Variants in PIGF observed in about 807,000 individuals in gnomAD.
The protein encoded by PIGF is GPI ethanolamine phosphate transferase, stabilizing subunit.
PIGF carries 23 observed loss-of-function variants against 26.0 expected under a neutral mutation model. The ratio of observed to expected loss-of-function variants is 0.88; its 90% CI spans 0.64 to 1.25. The LOEUF (loss-of-function observed/expected upper bound fraction) is 1.25, where lower values mean the gene tolerates loss of function less well. PIGF is among the 50% of genes most tolerant of loss of function. The pLI is 0.00. For missense variants in PIGF, 278 were observed against 249.9 expected (o/e 1.11, Z -0.76); for synonymous variants, 93 against 92.6 (o/e 1.00, Z -0.03).
At chr2:46,583,620 A>G (rs1558697886) in intron 5 of PIGF, among the ~76,000 whole-genome samples, 1 of 151,680 alleles carries the variant, frequency 6.6e-6, no homozygotes, top group Non-Finnish European at 1.5e-5. Flanking sequence ...CACTTTAACT[A>G]AAAACCAAAG....
chr2:46,593,131 TTTC>T (rs978592704), intron 4 of PIGF, among the ~76,000 whole-genome samples: 9 of 139,788 alleles, frequency 6.4e-5, no homozygotes, highest in African/African-American at 1.9e-4. Context: ...TCAACCAGTC[TTTC>T]TTTTTTTTTT....
At position 46,592,545 on chromosome 2, in the gene PIGF, G is replaced by C. The variant is rs142641533; in HGVS notation, c.476C>G (p.Thr159Arg). Residue 159 changes from threonine (T) to arginine (R), a missense_variant, in exon 5 of 6, where the codon ACA (threonine) becomes AGA (arginine). Coordinates refer to ENST00000281382, the MANE Select transcript of PIGF (RefSeq NM_002643.4). The part of the protein sequence containing the change: ...SIWENSLQIT[T>R]ISSFVGAWLG... ...CCATGCTCCTACAAAGCTAGAAATT[G>C]TAGTGATCTGGAGACTATTCTCCCA... is the stretch of plus-strand genomic sequence containing the variant. The C allele has an allele frequency of 6.2e-7, 1 of 1,607,096 alleles. No individual in the cohort carries two copies.
Position 46,616,950 on chromosome 2 carries a change from G to C in PIGF, c.-22+20C>G, listed in dbSNP as rs1022406718. On this transcript the variant is annotated intron_variant, in intron 1 of 5. Coordinates refer to ENST00000281382, the MANE Select transcript of PIGF (RefSeq NM_002643.4). ...TGCACCTCGTGAGGCGAGACGCCGA[G>C]GGCGTCCAGCGGGGCTTACCTAACT... 1.0e-5 allele frequency: 5 copies of C among 489,860 alleles called. No homozygotes were observed. The highest frequency in any genetic ancestry group is 8.0e-5 in the African/African-American group (4 of 50,218). 30.3% of individuals were successfully genotyped at this position (489,860 alleles called of 1,614,324 possible). A position where few individuals can be genotyped will look rare whatever the true frequency, so the allele number is the denominator to read the frequency against.
intron 5 of PIGF, among the ~76,000 whole-genome samples, chr2:46,587,026 A>G (rs146097378): frequency 1.3e-5 from 2 of 152,248 alleles, no homozygotes; most frequent in African/African-American, 4.8e-5. Flanking sequence ...GGCCAGCATT[A>G]TTCTCTCTAA....
intron 4 of PIGF, among the ~76,000 whole-genome samples, chr2:46,593,381 T>G (rs902740965): frequency 6.6e-6 from 1 of 152,226 alleles, no homozygotes; most frequent in Non-Finnish European, 1.5e-5. Context: ...TCCACCCACC[T>G]TGGCCTCCCA....
chr2:46,589,450 G>C lies in PIGF; in HGVS notation c.546+3025C>G, dbSNP rs1669665655. On this transcript the variant is annotated intron_variant, in intron 5 of 5. Coordinates refer to ENST00000281382, the MANE Select transcript of PIGF (RefSeq NM_002643.4). This position sits in a 1 kb window ranked among gnomAD's most constrained non-coding sequence, Gnocchi z 4.7. ...TGTTATACAATGGTTTGAGTTCAAA[G>C]TAAAGAAAACTGAATTAAAACATGT... 6.6e-6 allele frequency among the ~76,000 whole-genome samples: 1 copy of C among 151,880 alleles called. No homozygotes were observed. Among genetic ancestry groups the C allele is most frequent in the Non-Finnish European group, 1.5e-5 (1 of 67,886 alleles).
At chr2:46,611,095 T>C (rs1409547940) in intron 4 of PIGF, among the ~76,000 whole-genome samples, 1 of 152,152 alleles carries the variant, frequency 6.6e-6, no homozygotes, top group Non-Finnish European at 1.5e-5. Flanking sequence ...CTCTGTCCCT[T>C]TGAGTTCCTA....
At chr2:46,584,756 G>A (rs1240633914) in intron 5 of PIGF, among the ~76,000 whole-genome samples, 2 of 152,026 alleles carry the variant, frequency 1.3e-5, no homozygotes, top group South Asian at 4.1e-4. Context: ...TTTCTTAATC[G>A]TAACCCTGTC....
chr2:46,603,348 T>A (rs1325956229), intron 4 of PIGF, among the ~76,000 whole-genome samples: 1 of 151,926 alleles, frequency 6.6e-6, no homozygotes, highest in Non-Finnish European at 1.5e-5. Flanking sequence ...TTCACATAAA[T>A]AGAAGAAACA....
At chr2:46,592,623 A>G (rs769012232) in intron 4 of PIGF, 40 bp from the exon 5 acceptor site, 26 of 966,314 alleles carry the variant, frequency 2.7e-5, no homozygotes, top group Non-Finnish European at 4.4e-5. Flanking sequence ...TGGTATATAC[A>G]TGAGCTGCTG....
intron 3 of PIGF, among the ~76,000 whole-genome samples, chr2:46,613,258 T>C (rs1014597617): frequency 6.6e-6 from 1 of 152,168 alleles, no homozygotes; most frequent in African/African-American, 2.4e-5. Context: ...ATTTTACCTT[T>C]AAACTATAAA....
At chr2:46,585,320 AT>A (rs1488720901) in intron 5 of PIGF, among the ~76,000 whole-genome samples, 1 of 152,162 alleles carries the variant, frequency 6.6e-6, no homozygotes, top group African/African-American at 2.4e-5. Flanking sequence ...ATAAATTTAC[AT>A]TTTTTTAGCC....
At chr2:46,583,839 A>T (rs894395031) in intron 5 of PIGF, among the ~76,000 whole-genome samples, 2 of 152,204 alleles carry the variant, frequency 1.3e-5, no homozygotes, top group African/African-American at 4.8e-5. Context: ...GCCTCAAATA[A>T]GGCCATGTAT....
At chr2:46,605,358 A>G (rs1019837049) in intron 4 of PIGF, among the ~76,000 whole-genome samples, 20 of 152,232 alleles carry the variant, frequency 1.3e-4, no homozygotes, top group African/African-American at 4.8e-4. Flanking sequence ...ACTTCACATT[A>G]AATTAAATGA....
rs61759911 is a variant in PIGF at position 46,581,016 on chromosome 2, C to A, written c.*462G>T. Reference sequence around the variant, plus strand: ...GATGAGGCTATCATAGCCATTTTAACTCCAAAGAAACACACTGTAAAAAAA... The same window carrying A: ...GATGAGGCTATCATAGCCATTTTAAATCCAAAGAAACACACTGTAAAAAAA... On this transcript the variant is annotated 3_prime_UTR_variant, in exon 6 of 6. Transcript: ENST00000281382. 13 of 1,590,678 alleles carry A rather than the reference C, an allele frequency of 8.2e-6. No individual in the cohort carries two copies. Among genetic ancestry groups the A allele is most frequent in the Non-Finnish European group, 1.1e-5 (13 of 1,170,836 alleles).
At chr2:46,599,081 G>A (rs944827453) in intron 4 of PIGF, among the ~76,000 whole-genome samples, 4 of 152,184 alleles carry the variant, frequency 2.6e-5, no homozygotes, top group Non-Finnish European at 5.9e-5. Flanking sequence ...AAGGGGCTAG[G>A]TGTAAGGTGG....
chr2:46,615,019 C>A lies in PIGF; in HGVS notation c.146G>T (p.Gly49Val), dbSNP rs1366213023. ...TACTAGATTGACAGCAGTTACAAAACCAGAACAGATGCACAACCATGTCAA... is the reference window on the plus strand; with the variant it reads ...TACTAGATTGACAGCAGTTACAAAAACAGAACAGATGCACAACCATGTCAA... ...THLTWLCICS[G>V]FVTAVNLVLY... The change falls in exon 2 of 6, where the codon GGT becomes GTT. Residue 49 changes from glycine (G) to valine (V), a missense_variant. Gly to Val is a moderately radical substitution (Grantham distance 109). Transcript: ENST00000281382. The A allele has an allele frequency of 1.9e-6, 3 of 1,609,276 alleles. No homozygotes were observed. The highest frequency in any genetic ancestry group is 1.7e-4 in the Middle Eastern group (1 of 6,052).
chr2:46,602,445 C>T (rs1670089214), intron 4 of PIGF, among the ~76,000 whole-genome samples: 1 of 151,814 alleles, frequency 6.6e-6, no homozygotes, highest in African/African-American at 2.4e-5. Context: ...ACTTATTTCA[C>T]TTAAAAATAT....
chr2:46,601,018 G>T lies in PIGF; in HGVS notation c.438-8435C>A, dbSNP rs577712401. Among the ~76,000 whole-genome samples, 336 of 151,726 alleles carry T rather than the reference G, an allele frequency of 2.2e-3. 1 individual carries two copies. Among genetic ancestry groups the T allele is most frequent in the Non-Finnish European group, 3.0e-3 (203 of 67,822 alleles). On this transcript the variant is annotated intron_variant, in intron 4 of 5. Transcript: ENST00000281382. ...GATCTTTAACTTTCTATATTTTTCT[G>T]TTTGAATTTTTACTACAAACATTTA...
Sources: gnomAD v4.1 joint callset for allele counts (sites outside exome capture counted in the v4.1 genomes callset) on GRCh38, gnomAD v4.1.1 for gene constraint, Gnocchi (gnomAD v3.1) non-coding constraint, MANE v1.5 for transcripts, NCBI Gene and HGNC (gene_info 2026-07-23, HGNC 2026-07-21) for gene names.